The following ADAMTS17 variants were observed in gnomAD, a reference collection of about 807,000 sequenced individuals.
ADAMTS17 encodes the protein A disintegrin and metalloproteinase with thrombospondin motifs 17.
A neutral mutation model predicts 141.5 loss-of-function variants in ADAMTS17; 113 were observed. The ratio of observed to expected loss-of-function variants is 0.80; its 90% CI spans 0.69 to 0.93. ADAMTS17 has a LOEUF of 0.93. ADAMTS17 is among the 40% of genes least tolerant of loss of function. The probability of loss-of-function intolerance (pLI) is 0.00; values close to 1 mark genes in which losing one functional copy is unlikely to be tolerated. For missense variants in ADAMTS17, 1,659 were observed against 1,517.9 expected, an observed-to-expected ratio of 1.09 and a Z score of -1.54; for synonymous variants, 768 against 630.6, an observed-to-expected ratio of 1.22 and a Z score of -3.27.
chr15:100,113,020 A>C (rs1319662683), intron 13 of ADAMTS17, among the ~76,000 whole-genome samples: 1 of 152,136 alleles, frequency 6.6e-6, no homozygotes, highest in Non-Finnish European at 1.5e-5. Context: ...CACTCATCCA[A>C]GTTCTCCCTG....
At chr15:100,080,376 C>T (rs2141810856) in intron 15 of ADAMTS17, among the ~76,000 whole-genome samples, 1 of 152,164 alleles carries the variant, frequency 6.6e-6, no homozygotes, top group East Asian at 1.9e-4. Flanking sequence ...CAGTCTACTA[C>T]TCCACAAAGG....
At position 99,993,264 on chromosome 15, in the gene ADAMTS17, T is replaced by G. The variant is rs187272731; in HGVS notation, c.2797-64A>C. On this transcript the variant is annotated intron_variant, in intron 19 of 21. Coordinates refer to ENST00000268070, the MANE Select transcript of ADAMTS17 (RefSeq NM_139057.4). The surrounding 1 kb of genome is among the most constrained non-coding windows in gnomAD (Gnocchi z 4.3). ...TCGATTCAAGTCCATCAACAGCTAT[T>G]AACTCCCTCCAATGTGCCAGGTGCG... 4 of 1,603,138 alleles carry G rather than the reference T, an allele frequency of 2.5e-6. No homozygotes were observed. The East Asian group carries it at 6.7e-5, about 27-fold the overall frequency.
chr15:100,204,890 G>T (rs2041472382), intron 7 of ADAMTS17, among the ~76,000 whole-genome samples: 1 of 152,210 alleles, frequency 6.6e-6, no homozygotes, highest in African/African-American at 2.4e-5. Context: ...ATTCTCTAAG[G>T]AAGCCTTCCA....
intron 15 of ADAMTS17, among the ~76,000 whole-genome samples, chr15:100,087,287 G>A (rs563711246): frequency 6.6e-6 from 1 of 152,180 alleles, no homozygotes; most frequent in South Asian, 2.1e-4. Flanking sequence ...GACGAAACCA[G>A]GAAGAAGTTG....
At chr15:100,010,226 G>A (rs144539431) in intron 18 of ADAMTS17, among the ~76,000 whole-genome samples, 2,613 of 152,296 alleles carry the variant, frequency 0.017, 40 homozygotes, top group Middle Eastern at 0.048. Context: ...GCCCACTCTC[G>A]GGTATGTCTT....
chr15:99,979,653 C>G (rs2060442841), intron 20 of ADAMTS17: 1 of 152,226 alleles, frequency 6.6e-6, no homozygotes, highest in South Asian at 2.1e-4. Context: ...GGCAAACCGA[C>G]AGGCGACTCA....
intron 12 of ADAMTS17, among the ~76,000 whole-genome samples, chr15:100,127,586 G>GT (rs554890943): frequency 1.3e-5 from 2 of 152,242 alleles, no homozygotes; most frequent in Admixed American, 1.3e-4. Flanking sequence ...TTGTTTGTTT[G>GT]TTTGTTTTGT....
chr15:100,168,793 G>A (rs764107779), intron 8 of ADAMTS17: 3 of 152,236 alleles, frequency 2.0e-5, no homozygotes, highest in Non-Finnish European at 4.4e-5. Context: ...TCTGCGGGTT[G>A]GGGGATGTGA....
intron 21 of ADAMTS17, among the ~76,000 whole-genome samples, chr15:99,975,744 A>G (rs2060309137): frequency 6.6e-6 from 1 of 152,146 alleles, no homozygotes; most frequent in Admixed American, 6.5e-5. Flanking sequence ...ACTTCCCTTC[A>G]CATTCCTCAT....
chr15:100,067,104 T>C (rs898897751), intron 15 of ADAMTS17, among the ~76,000 whole-genome samples: 2 of 150,844 alleles, frequency 1.3e-5, no homozygotes, highest in South Asian at 2.1e-4. Flanking sequence ...CCTTATGATA[T>C]TGAGAAGGCA....
intron 7 of ADAMTS17, among the ~76,000 whole-genome samples, chr15:100,225,621 G>A (rs1459348970): frequency 3.4e-5 from 5 of 147,398 alleles, no homozygotes; most frequent in Non-Finnish European, 7.5e-5. Flanking sequence ...CAGCAGTCAC[G>A]GTCTCTGTGC....
intron 6 of ADAMTS17, among the ~76,000 whole-genome samples, chr15:100,255,300 C>T (rs4074097): frequency 0.63 from 96,337 of 151,980 alleles, 31,361 homozygotes; most frequent in East Asian, 0.83. Flanking sequence ...GGCCCAGACA[C>T]GGCCCCTCCC....
At chr15:100,184,407 C>G (rs1456600449) in intron 8 of ADAMTS17, among the ~76,000 whole-genome samples, 1 of 152,198 alleles carries the variant, frequency 6.6e-6, no homozygotes, top group Non-Finnish European at 1.5e-5. Context: ...GGCCAGTGAG[C>G]CTTCTTCTTT....
chr15:100,044,834 G>A (rs2031554663), intron 18 of ADAMTS17, among the ~76,000 whole-genome samples: 1 of 149,522 alleles, frequency 6.7e-6, no homozygotes, highest in South Asian at 2.1e-4. Flanking sequence ...TTGAGACGGA[G>A]TCTGGCTTAA....
At chr15:100,322,456 T>C (rs904536343) in intron 3 of ADAMTS17, among the ~76,000 whole-genome samples, 18 of 152,210 alleles carry the variant, frequency 1.2e-4, no homozygotes, top group Non-Finnish European at 2.1e-4. Flanking sequence ...ACAAAATTAA[T>C]TGCCAGCTAA....
chr15:100,138,552 G>A (rs546322315), intron 10 of ADAMTS17, among the ~76,000 whole-genome samples: 1 of 152,288 alleles, frequency 6.6e-6, no homozygotes, highest in South Asian at 2.1e-4. Flanking sequence ...TCTGTGACTA[G>A]AAAACAGACC....
intron 18 of ADAMTS17, among the ~76,000 whole-genome samples, chr15:100,004,483 G>A (rs561193012): frequency 3.8e-4 from 58 of 152,246 alleles, no homozygotes; most frequent in African/African-American, 1.3e-3. Context: ...CTGTAGTTCC[G>A]TAAAACAATT....
intron 15 of ADAMTS17, among the ~76,000 whole-genome samples, chr15:100,056,447 G>A (rs1192129318): frequency 6.6e-6 from 1 of 152,018 alleles, no homozygotes; most frequent in African/African-American, 2.4e-5. Flanking sequence ...TGGGGGAAGT[G>A]GGGTGGCGGG....
intron 4 of ADAMTS17, among the ~76,000 whole-genome samples, chr15:100,272,298 T>C (rs538807724): frequency 2.6e-5 from 4 of 152,170 alleles, no homozygotes; most frequent in Non-Finnish European, 4.4e-5. Flanking sequence ...TTGGATAACA[T>C]TGATATCTTA....
Sources: gnomAD v4.1 joint callset for allele counts (sites outside exome capture counted in the v4.1 genomes callset) on GRCh38, gnomAD v4.1.1 for gene constraint, Gnocchi (gnomAD v3.1) non-coding constraint, MANE v1.5 for transcripts, NCBI Gene and HGNC (gene_info 2026-07-23, HGNC 2026-07-21) for gene names.